The following ODAD2 variants were observed in gnomAD, a reference collection of about 807,000 sequenced individuals.
The protein encoded by ODAD2 is outer dynein arm docking complex subunit 2, also known as outer dynein arm-docking complex subunit 2.
A neutral mutation model predicts 106.8 loss-of-function variants in ODAD2; 89 were observed. The ratio of observed to expected loss-of-function variants is 0.83; its 90% CI spans 0.70 to 0.99. The LOEUF is 0.99. Among genes scored for constraint, ODAD2 ranks in the 50% least tolerant of loss-of-function variants. ODAD2 has a pLI of 0.00. For missense variants in ODAD2, 1,168 were observed against 1,238.5 expected, an observed-to-expected ratio of 0.94 and a Z score of 0.85; for synonymous variants, 404 against 436.2, an observed-to-expected ratio of 0.93 and a Z score of 0.92.
chr10:27,961,516 G>C, intron 10 of ODAD2, 52 bp downstream of exon 10: 1 of 1,502,514 alleles, frequency 6.7e-7, no homozygotes, highest in Non-Finnish European at 9.1e-7. Context: ...TACATCTTTG[G>C]GAAAGTATTT....
chr10:27,976,793 A>G (rs2133051583), intron 7 of ODAD2, among the ~76,000 whole-genome samples: 1 of 152,316 alleles, frequency 6.6e-6, no homozygotes, highest in East Asian at 1.9e-4. Context: ...TAGCCAAAAA[A>G]CTTTTTTGAA....
rs181665623 is a variant in ODAD2, at chr10:27,884,623, A to G, written c.2611-22001T>C. Among the ~76,000 whole-genome samples, 29 of 152,298 alleles carry G rather than the reference A, an allele frequency of 1.9e-4. No individual in the cohort carries two copies. The East Asian group carries it at 5.2e-3, about 27-fold the overall frequency. On this transcript the variant is annotated intron_variant, in intron 17 of 19. Transcript: ENST00000305242. Reference sequence around the variant, plus strand: ...AACACCATGGCAGAGTCTAGATTTCAGCTAGCAGAAGCTATGAAAAGCAAG... The same window carrying G: ...AACACCATGGCAGAGTCTAGATTTCGGCTAGCAGAAGCTATGAAAAGCAAG...
rs753749782 is a variant in ODAD2, at chr10:27,961,742, C to T, written c.1239-27G>A. ...TAAGAACAATAACAACACACATACA[C>T]ATGTAAGCTATAGTGTGGAGATCTA... On this transcript the variant is annotated intron_variant, in intron 9 of 19. Coordinates refer to ENST00000305242, the MANE Select transcript of ODAD2 (RefSeq NM_018076.5). 43 of 1,598,056 alleles carry T rather than the reference C, an allele frequency of 2.7e-5. No individual in the cohort carries two copies. In the South Asian group the frequency reaches 4.5e-4, roughly 17 times the overall value.
At chr10:27,848,127 C>T (rs1191358674) in intron 19 of ODAD2, among the ~76,000 whole-genome samples, 1 of 152,120 alleles carries the variant, frequency 6.6e-6, no homozygotes, top group Non-Finnish European at 1.5e-5. Flanking sequence ...AATCCTAAGC[C>T]AAAAGAACAA....
At chr10:27,817,537 T>C (rs1836237471) in intron 19 of ODAD2, among the ~76,000 whole-genome samples, 1 of 152,198 alleles carries the variant, frequency 6.6e-6, no homozygotes. Context: ...ATGTCTATTA[T>C]TCCATGTGTA....
rs556965983 is a variant in ODAD2 at position 27,922,743 on chromosome 10, T to C, written c.2495+12267A>G. On this transcript the variant is annotated intron_variant, in intron 16 of 19. Coordinates refer to ENST00000305242, the MANE Select transcript of ODAD2 (RefSeq NM_018076.5). ...CAAAATGTTGAAACCCTGTCTCTAC[T>C]AAAAATACAAAAATTAGCTAGGCAT... Among the ~76,000 whole-genome samples, 5 of 151,988 alleles carry C rather than the reference T, an allele frequency of 3.3e-5. No individual in the cohort carries two copies. In the South Asian group the frequency reaches 1.0e-3, roughly 32 times the overall value.
intron 19 of ODAD2, among the ~76,000 whole-genome samples, chr10:27,848,568 T>A (rs556655830): frequency 1.4e-4 from 22 of 152,256 alleles, no homozygotes; most frequent in Middle Eastern, 3.4e-3. Context: ...TGGGATCTAA[T>A]TAAACTAAAG....
Position 27,860,616 on chromosome 10 carries a change from C to G in ODAD2, c.3021+9G>C. 6.2e-7 allele frequency: 1 copy of G among 1,612,478 alleles called. No individual in the cohort carries two copies. Among genetic ancestry groups the G allele is most frequent in the Middle Eastern group, 1.7e-4 (1 of 5,802 alleles). On this transcript the variant is annotated intron_variant, in intron 19 of 19. Coordinates refer to ENST00000305242, the MANE Select transcript of ODAD2 (RefSeq NM_018076.5). ...ACTTGGACTAAACCACAAAGTCATT[C>G]AACTGTACCTTTACTGCACCATTCT...
intron 6 of ODAD2, among the ~76,000 whole-genome samples, chr10:27,982,703 G>A (rs1467443618): frequency 2.0e-5 from 3 of 152,162 alleles, no homozygotes; most frequent in Admixed American, 6.5e-5. Flanking sequence ...CGTGATGGCT[G>A]GGTCCCCATT....
At chr10:27,831,745 T>C (rs1837493006) in intron 19 of ODAD2, among the ~76,000 whole-genome samples, 2 of 152,272 alleles carry the variant, frequency 1.3e-5, no homozygotes, top group Admixed American at 6.5e-5. Context: ...TAGCTGGTCC[T>C]CTCTGGCCCT....
At chr10:27,925,554 C>T (rs1249422168) in intron 16 of ODAD2, among the ~76,000 whole-genome samples, 2 of 152,114 alleles carry the variant, frequency 1.3e-5, no homozygotes, top group African/African-American at 2.4e-5. Context: ...GACAGGGCCT[C>T]ATTACGTTTT....
chr10:27,843,224 A>G (rs928344573), intron 19 of ODAD2, among the ~76,000 whole-genome samples: 1 of 152,234 alleles, frequency 6.6e-6, no homozygotes, highest in African/African-American at 2.4e-5. Context: ...TGTGGAGTAC[A>G]AAGTCTTAAA....
chr10:27,833,080 T>C (rs1021676714), intron 19 of ODAD2, among the ~76,000 whole-genome samples: 2 of 152,204 alleles, frequency 1.3e-5, no homozygotes, highest in African/African-American at 2.4e-5. Context: ...TTTGAAGTTT[T>C]TCATATACCA....
chr10:27,846,002 T>C (rs971662331), intron 19 of ODAD2, among the ~76,000 whole-genome samples: 7 of 152,124 alleles, frequency 4.6e-5, no homozygotes, highest in African/African-American at 1.4e-4. Context: ...CTGTCAACAT[T>C]AGACAGACCA....
Position 27,971,146 on chromosome 10 carries a change from T to C in ODAD2, c.1104A>G (p.Glu368=), listed in dbSNP as rs1247722268. ...CAGTGGTCTTCCAGTTTAAGCTTGG[T>C]TCCCATCTCTTGGTCATTTGATTCC... is the stretch of plus-strand genomic sequence containing the variant. ...FWRNQMTKRW[E]PSLNWKTTVN... Residue 368 remains glutamate (E), a synonymous_variant, in exon 8 of 20, where the codon GAA becomes GAG. Coordinates refer to ENST00000305242, the MANE Select transcript of ODAD2 (RefSeq NM_018076.5). The C allele has an allele frequency of 1.2e-5, 20 of 1,613,858 alleles. No homozygotes were observed. Among genetic ancestry groups the C allele is most frequent in the African/African-American group, 2.7e-5 (2 of 74,912 alleles).
chr10:27,880,446 T>C (rs531600976), intron 17 of ODAD2, among the ~76,000 whole-genome samples: 2 of 152,312 alleles, frequency 1.3e-5, no homozygotes, highest in African/African-American at 2.4e-5. Flanking sequence ...ATATTGGAAT[T>C]ACCTGGAGAG....
chr10:27,860,881 T>C lies in ODAD2; in HGVS notation c.2800-35A>G, dbSNP rs77530863. ...GGAAAATGAAATGGGATCTGTGCAT[T>C]GTAATGACCCTGCAAGATCATGTCT... On this transcript the variant is annotated intron_variant, in intron 18 of 19. Coordinates refer to ENST00000305242, the MANE Select transcript of ODAD2 (RefSeq NM_018076.5). The C allele has an allele frequency of 0.03, 47,426 of 1,560,458 alleles. 824 individuals are homozygous for C. Among genetic ancestry groups the C allele is most frequent in the Non-Finnish European group, 0.036 (40,431 of 1,131,750 alleles).
At chr10:27,931,478 C>T (rs1346549061) in intron 16 of ODAD2, among the ~76,000 whole-genome samples, 2 of 151,970 alleles carry the variant, frequency 1.3e-5, no homozygotes, top group East Asian at 3.9e-4. Flanking sequence ...ATTATCACTT[C>T]ACTTGTCTGT....
At chr10:27,903,465 G>C (rs1843359089) in intron 17 of ODAD2, among the ~76,000 whole-genome samples, 2 of 152,204 alleles carry the variant, frequency 1.3e-5, no homozygotes, top group Non-Finnish European at 2.9e-5. Context: ...TCAGGCAAGA[G>C]AAAGCAATAA....
Sources: gnomAD v4.1 joint callset for allele counts (sites outside exome capture counted in the v4.1 genomes callset) on GRCh38, gnomAD v4.1.1 for gene constraint, MANE v1.5 for transcripts, NCBI Gene and HGNC (gene_info 2026-07-23, HGNC 2026-07-21) for gene names.